The following NLGN4Y variants were observed in gnomAD, a reference collection of about 807,000 sequenced individuals.
The protein encoded by NLGN4Y is neuroligin-4, Y-linked.
NLGN4Y carries 4 observed loss-of-function variants against 8.4 expected under a neutral mutation model. The ratio of observed to expected loss-of-function variants is 0.48; its 90% CI spans 0.23 to 1.09. NLGN4Y has a LOEUF of 1.09. Among genes scored for constraint, NLGN4Y ranks in the 50% least tolerant of loss-of-function variants. The probability of loss-of-function intolerance (pLI) is 0.19; values close to 1 mark genes in which losing one functional copy is unlikely to be tolerated. For synonymous variants in NLGN4Y, 35 were observed against 75.6 expected (o/e 0.46, Z 2.78); for missense variants, 90 against 192.3 (o/e 0.47, Z 3.15).
At chrY:14,822,020 G>T in intron 4 of NLGN4Y, among the ~76,000 whole-genome samples, 1 of 33,648 alleles carries the variant, frequency 3.0e-5, no homozygotes, top group Non-Finnish European at 7.4e-5. Flanking sequence ...GTTTTGCAAA[G>T]GTGGTTTCAA....
At chrY:14,764,114 CTG>C (rs2081087864) in intron 4 of NLGN4Y, among the ~76,000 whole-genome samples, 1 of 33,351 alleles carries the variant, frequency 3.0e-5, no homozygotes. Flanking sequence ...TCAGTACTAT[CTG>C]TGTTTTCAGG....
At chrY:14,623,244 CCT>C (rs2080517203) in intron 2 of NLGN4Y, among the ~76,000 whole-genome samples, 1 of 33,530 alleles carries the variant, frequency 3.0e-5, no homozygotes, top group African/African-American at 1.2e-4. Context: ...TTAAAAATTT[CCT>C]CTTTTTTCTA....
chrY:14,683,940 A>C, intron 2 of NLGN4Y, among the ~76,000 whole-genome samples: 2 of 33,404 alleles, frequency 6.0e-5, no homozygotes, highest in Non-Finnish European at 1.5e-4. Context: ...TGTTTTTGTT[A>C]GTCAGTGTTT....
intron 1 of NLGN4Y, among the ~76,000 whole-genome samples, chrY:14,534,688 G>A (rs965909624): frequency 1.9e-4 from 6 of 32,329 alleles, no homozygotes; most frequent in Non-Finnish European, 4.5e-4. Context: ...ATTAACGATA[G>A]GCTAATATTA....
At chrY:14,707,097 A>G (rs2080883579) in intron 2 of NLGN4Y, among the ~76,000 whole-genome samples, 13 of 10,026 alleles carry the variant, frequency 1.3e-3, no homozygotes, top group South Asian at 6.9e-3. Flanking sequence ...ATGTGTATAT[A>G]TATATATATA....
At chrY:14,537,282 T>C (rs2080137144) in intron 1 of NLGN4Y, among the ~76,000 whole-genome samples, 2 of 33,258 alleles carry the variant, frequency 6.0e-5, no homozygotes, top group African/African-American at 1.2e-4. Context: ...TTTCAGCCTT[T>C]CCTGGAAGGG....
intron 1 of NLGN4Y, among the ~76,000 whole-genome samples, chrY:14,616,767 A>C: frequency 3.0e-5 from 1 of 33,778 alleles, no homozygotes; most frequent in African/African-American, 1.2e-4. Context: ...TGAGTTTCTT[A>C]ATCCTGAGTT....
Position 14,628,019 on chromosome Y carries a change from T to G in NLGN4Y, c.472+5428T>G, listed in dbSNP as rs763484611. 1.8e-4 allele frequency among the ~76,000 whole-genome samples: 6 copies of G among 33,138 alleles called. No individual in the cohort carries two copies. The South Asian group carries it at 4.1e-3, about 23-fold the overall frequency. 88.9% of individuals were successfully genotyped at this position (33,138 alleles called of 37,273 possible). On this transcript the variant is annotated intron_variant, in intron 2 of 6. Transcript: ENST00000684976. ...AGGAGGCTGAGACAGCGGAATTGCT[T>G]GAACCTGAGAGGCAGAGGGAGGTTG...
intron 2 of NLGN4Y, among the ~76,000 whole-genome samples, chrY:14,696,049 G>A: frequency 3.0e-5 from 1 of 32,864 alleles, no homozygotes; most frequent in Non-Finnish European, 7.5e-5. Context: ...CTTCCAATAT[G>A]TTCATGCATG....
intron 2 of NLGN4Y, among the ~76,000 whole-genome samples, chrY:14,688,990 A>G (rs1027911492): frequency 3.5e-5 from 1 of 28,824 alleles, no homozygotes; most frequent in Admixed American, 3.6e-4. Context: ...TTAATATTAT[A>G]TTATATATAA....
intron 1 of NLGN4Y, among the ~76,000 whole-genome samples, chrY:14,546,442 T>C (rs1569355353): frequency 6.3e-5 from 2 of 31,870 alleles, no homozygotes; most frequent in East Asian, 1.6e-3. Context: ...TTATATCCTC[T>C]TTTATTTCAT....
intron 1 of NLGN4Y, among the ~76,000 whole-genome samples, chrY:14,614,797 C>A: frequency 3.0e-5 from 1 of 32,932 alleles, no homozygotes; most frequent in African/African-American, 1.2e-4. Context: ...GTCTATATAT[C>A]TGTTTTGTAC....
At chrY:14,623,268 T>G in intron 2 of NLGN4Y, among the ~76,000 whole-genome samples, 1 of 34,163 alleles carries the variant, frequency 2.9e-5, no homozygotes, top group Non-Finnish European at 7.3e-5. Context: ...AAAACACCAA[T>G]GAAAGTCTGT....
chrY:14,784,517 G>C, intron 4 of NLGN4Y, among the ~76,000 whole-genome samples: 1 of 32,479 alleles, frequency 3.1e-5, no homozygotes, highest in Admixed American at 2.8e-4. Context: ...AAAATTAGCC[G>C]GGCGTGTTGG....
rs202146449 is a variant in NLGN4Y at position 14,728,937 on chromosome Y, G to T, written c.685+5668G>T. ...TTATCTATATTGTATCACAACAAAAGAAATCATTATGATATCTGTGATTTA... is the reference window on the plus strand; with the variant it reads ...TTATCTATATTGTATCACAACAAAATAAATCATTATGATATCTGTGATTTA... On this transcript the variant is annotated intron_variant, in intron 4 of 6. Transcript: ENST00000684976. Among the ~76,000 whole-genome samples, 62 of 33,108 alleles carry T rather than the reference G, an allele frequency of 1.9e-3. No homozygotes were observed. In the East Asian group the frequency reaches 0.049, roughly 26 times the overall value. The allele number at this position is 33,108 out of a possible 37,273, so 88.8% of individuals were successfully genotyped here.
intron 1 of NLGN4Y, among the ~76,000 whole-genome samples, chrY:14,575,540 CCTT>C (rs2080294525): frequency 6.1e-4 from 20 of 32,879 alleles, no homozygotes; most frequent in African/African-American, 2.4e-3. Context: ...CAAACTTTCT[CCTT>C]TAGCTCAGAG....
At chrY:14,777,550 C>A in intron 4 of NLGN4Y, among the ~76,000 whole-genome samples, 1 of 27,796 alleles carries the variant, frequency 3.6e-5, no homozygotes, top group Non-Finnish European at 8.2e-5. Context: ...CATATACAAG[C>A]TATATTCTGC....
intron 1 of NLGN4Y, among the ~76,000 whole-genome samples, chrY:14,579,477 AC>A (rs2150485137): frequency 3.0e-5 from 1 of 33,055 alleles, no homozygotes; most frequent in Non-Finnish European, 7.4e-5. Context: ...GGCGGCCAAG[AC>A]AGGCAGATCT....
At chrY:14,694,671 T>C (rs2080822221) in intron 2 of NLGN4Y, among the ~76,000 whole-genome samples, 1 of 33,653 alleles carries the variant, frequency 3.0e-5, no homozygotes, top group South Asian at 6.5e-4. Context: ...CATGAACAAT[T>C]GAAGAAACAT....
Sources: allele counts gnomAD v4.1 joint callset (sites outside exome capture counted in the v4.1 genomes callset), GRCh38; gene constraint gnomAD v4.1.1; transcripts MANE v1.5; gene names NCBI Gene and HGNC (gene_info 2026-07-23, HGNC 2026-07-21).